PRRG1: variants seen among roughly 807,000 people sequenced by gnomAD.
PRRG1 encodes proline rich and Gla domain 1, also known as transmembrane gamma-carboxyglutamic acid protein 1.
In PRRG1, 5 loss-of-function variants were observed where a neutral mutation model predicts 11.8. That is an observed-to-expected ratio of 0.42 (90% confidence interval 0.22 to 0.89). The LOEUF is 0.89. Ranked by LOEUF, PRRG1 falls within the 40% of genes least tolerant of loss-of-function variation. The probability of loss-of-function intolerance (pLI) is 0.28; values close to 1 mark genes in which losing one functional copy is unlikely to be tolerated. For missense variants in PRRG1, 155 were observed against 166.1 expected (o/e 0.93, Z 0.37); for synonymous variants, 66 against 60.4 (o/e 1.09, Z -0.43).
chrX:37,432,295 C>T (rs1427385714), intron 3 of PRRG1, among the ~76,000 whole-genome samples: 1 of 94,787 alleles, frequency 1.1e-5, no homozygotes, highest in African/African-American at 5.9e-5. Context: ...ACCCTGTTAG[C>T]CAGGATGGTC....
chrX:37,358,609 G>A (rs1163659389), intron 1 of PRRG1, among the ~76,000 whole-genome samples: 4 of 111,281 alleles, frequency 3.6e-5, no homozygotes, highest in African/African-American at 1.3e-4. Flanking sequence ...CTTTATTACT[G>A]TAGTTTAATA....
intron 3 of PRRG1, among the ~76,000 whole-genome samples, chrX:37,445,544 C>T: frequency 8.9e-6 from 1 of 112,446 alleles, no homozygotes; most frequent in East Asian, 2.8e-4. Context: ...ACTTAAACAA[C>T]TTACTCGATC....
intron 1 of PRRG1, among the ~76,000 whole-genome samples, chrX:37,372,258 T>A (rs1930786343): frequency 1.8e-5 from 2 of 112,069 alleles, no homozygotes; most frequent in South Asian, 7.5e-4. Context: ...GTAGACTGTT[T>A]GTATGTCTTT....
chrX:37,405,095 A>G (rs782721765), intron 1 of PRRG1, among the ~76,000 whole-genome samples: 13 of 112,108 alleles, frequency 1.2e-4, no homozygotes, highest in African/African-American at 2.6e-4. Flanking sequence ...TTAAGTCGGT[A>G]TTTCCTACAT....
chrX:37,429,212 C>T (rs1330743275), intron 3 of PRRG1, among the ~76,000 whole-genome samples: 1 of 112,412 alleles, frequency 8.9e-6, no homozygotes, highest in African/African-American at 3.2e-5. Flanking sequence ...TAACATTCGG[C>T]TCCTTGTTAT....
intron 3 of PRRG1, among the ~76,000 whole-genome samples, chrX:37,450,831 A>C: frequency 8.9e-6 from 1 of 112,010 alleles, no homozygotes. Context: ...TTTGATTCCA[A>C]ATTTGTAAAA....
At chrX:37,389,337 G>A (rs1263953682) in intron 1 of PRRG1, among the ~76,000 whole-genome samples, 2 of 111,487 alleles carry the variant, frequency 1.8e-5, no homozygotes, top group African/African-American at 3.3e-5. Flanking sequence ...GCACTCCTTG[G>A]TACCAATTTT....
chrX:37,406,540 A>G (rs782459554), intron 2 of PRRG1, among the ~76,000 whole-genome samples: 1 of 109,252 alleles, frequency 9.2e-6, no homozygotes, highest in South Asian at 4.0e-4. Context: ...TATATATATA[A>G]CTCACAGATA....
chrX:37,354,819 A>G, intron 1 of PRRG1, among the ~76,000 whole-genome samples: 1 of 111,531 alleles, frequency 9.0e-6, no homozygotes, highest in South Asian at 3.8e-4. Flanking sequence ...TCAGGTGCAG[A>G]TTGTTGGTTT....
chrX:37,410,070 C>T (rs1297081066), intron 2 of PRRG1, among the ~76,000 whole-genome samples: 2 of 111,681 alleles, frequency 1.8e-5, no homozygotes, highest in East Asian at 2.8e-4. Flanking sequence ...TTTTATTAGT[C>T]TACTACTACC....
chrX:37,367,233 C>A (rs1049405291), intron 1 of PRRG1, among the ~76,000 whole-genome samples: 4 of 112,044 alleles, frequency 3.6e-5, no homozygotes, highest in African/African-American at 1.3e-4. Context: ...GCATTATATT[C>A]TTTTCTAATA....
Position 37,425,965 on chromosome X carries a change from G to A in PRRG1, c.136G>A (p.Glu46Lys). Reference sequence around the variant, plus strand: ...CAAAGAAGAATTCTGTACATTTGAAGAAGCAAGAGAAGCTTTTGAAAATAA... The same window carrying A: ...CAAAGAAGAATTCTGTACATTTGAAAAAGCAAGAGAAGCTTTTGAAAATAA... ...ECKEEFCTFE[E>K]AREAFENNEK... is the part of the protein sequence containing the mutation. The change falls in exon 3 of 4, where the codon GAA (glutamate) becomes AAA (lysine). Residue 46 changes from glutamate (E) to lysine (K), a missense_variant. By Grantham distance (56) the Glu-to-Lys change is moderately conservative (BLOSUM62 1). Coordinates refer to ENST00000378628, the MANE Select transcript of PRRG1 (RefSeq NM_001142395.2). 1 of 1,187,200 alleles carries A rather than the reference G, an allele frequency of 8.4e-7. No homozygotes were observed. The highest frequency in any genetic ancestry group is 1.1e-6 in the Non-Finnish European group (1 of 885,723).
At position 37,397,912 on chromosome X, in the gene PRRG1, T is replaced by A. The variant is rs189763578; in HGVS notation, c.-41-8297T>A. ...ATTATTTTAGAAGTAATGTTTAGTTTGGGATGGGGACCTGACTGAGAATCA... is the reference window on the plus strand; with the variant it reads ...ATTATTTTAGAAGTAATGTTTAGTTAGGGATGGGGACCTGACTGAGAATCA... On this transcript the variant is annotated intron_variant, in intron 1 of 3. Transcript: ENST00000378628. 3.7e-5 allele frequency among the ~76,000 whole-genome samples: 4 copies of A among 109,305 alleles called. No homozygotes were observed. The East Asian group carries it at 1.1e-3, about 31-fold the overall frequency. 94.9% of individuals were successfully genotyped at this position (109,305 alleles called of 115,157 possible).
intron 1 of PRRG1, among the ~76,000 whole-genome samples, chrX:37,386,121 C>A (rs1556375176): frequency 8.9e-6 from 1 of 111,919 alleles, no homozygotes; most frequent in Non-Finnish European, 1.9e-5. Flanking sequence ...CTTTGTATTG[C>A]CAGAGGCTAC....
chrX:37,367,912 C>A, intron 1 of PRRG1, among the ~76,000 whole-genome samples: 1 of 112,760 alleles, frequency 8.9e-6, no homozygotes. Flanking sequence ...TGCTTTTACT[C>A]TGCTCCTTTT....
chrX:37,403,485 G>C (rs1200747786), intron 1 of PRRG1, among the ~76,000 whole-genome samples: 1 of 68,328 alleles, frequency 1.5e-5, no homozygotes, highest in Admixed American at 1.9e-4. Flanking sequence ...GTTGTGGGGT[G>C]GGGGGAGGGG....
Position 37,414,671 on chromosome X carries a change from A to G in PRRG1, c.10+8412A>G, listed in dbSNP as rs189272364. Reference sequence around the variant, plus strand: ...TTTATTTCATGATAGGTTGATTTGCAGAGGATCCTATGACTAATAAAATTT... The same window carrying G: ...TTTATTTCATGATAGGTTGATTTGCGGAGGATCCTATGACTAATAAAATTT... On this transcript the variant is annotated intron_variant, in intron 2 of 3. Coordinates refer to ENST00000378628, the MANE Select transcript of PRRG1 (RefSeq NM_001142395.2). Among the ~76,000 whole-genome samples the G allele has an allele frequency of 8.9e-5, 10 of 112,871 alleles. No individual in the cohort carries two copies. The East Asian group carries it at 2.5e-3, about 28-fold the overall frequency.
chrX:37,369,885 T>G (rs1930709483), intron 1 of PRRG1, among the ~76,000 whole-genome samples: 1 of 111,355 alleles, frequency 9.0e-6, no homozygotes, highest in Admixed American at 9.5e-5. Context: ...ATCCCTTTAC[T>G]GCCCCTTTGC....
At chrX:37,439,473 T>C (rs1556392931) in intron 3 of PRRG1, among the ~76,000 whole-genome samples, 1 of 112,059 alleles carries the variant, frequency 8.9e-6, no homozygotes, top group Non-Finnish European at 1.9e-5. Context: ...GATTTGCCCA[T>C]GTTCTCATTA....
Sources: gnomAD v4.1 joint callset for allele counts (sites outside exome capture counted in the v4.1 genomes callset) on GRCh38, gnomAD v4.1.1 for gene constraint, MANE v1.5 for transcripts, NCBI Gene and HGNC (gene_info 2026-07-23, HGNC 2026-07-21) for gene names.